CELSR1: variants seen among roughly 807,000 people sequenced by gnomAD.
The protein encoded by CELSR1 is adhesion G protein-coupled receptor C1.
A neutral mutation model predicts 249.1 loss-of-function variants in CELSR1; 110 were observed. The observed-to-expected ratio is 0.44, with a 90% confidence interval of 0.38 to 0.52. The LOEUF is 0.52. Among genes scored for constraint, CELSR1 ranks in the 20% least tolerant of loss-of-function variants. The pLI is 0.00. For synonymous variants in CELSR1, 2,113 were observed against 1,900.0 expected (o/e 1.11, Z -2.92); for missense variants, 4,109 against 4,296.4 (o/e 0.96, Z 1.22).
rs2079667678 is a variant in CELSR1, at chr22:46,436,821, C to A, written c.4407-532G>T. ...GCCTTTGCACCAGCTGCCCCCTATGCCAGAAACAATCTTCCCAGGCTTTGC... is the reference window on the plus strand; with the variant it reads ...GCCTTTGCACCAGCTGCCCCCTATGACAGAAACAATCTTCCCAGGCTTTGC... On this transcript the variant is annotated intron_variant, in intron 3 of 34. Transcript: ENST00000674500. The surrounding 1 kb of genome is among the most constrained non-coding windows in gnomAD (Gnocchi z 5.9). Among the ~76,000 whole-genome samples the A allele has an allele frequency of 6.6e-6, 1 of 152,138 alleles. No individual in the cohort carries two copies. Among genetic ancestry groups the A allele is most frequent in the African/African-American group, 2.4e-5 (1 of 41,414 alleles).
chr22:46,514,804 A>ACAAGT (rs1382825721), intron 1 of CELSR1, among the ~76,000 whole-genome samples: 3 of 152,142 alleles, frequency 2.0e-5, no homozygotes, highest in Admixed American at 6.5e-5. Context: ...GTCAGCAAGC[A>ACAAGT]CAAGTCACTG....
intron 1 of CELSR1, among the ~76,000 whole-genome samples, chr22:46,475,045 A>G (rs1412224078): frequency 6.6e-6 from 1 of 152,058 alleles, no homozygotes; most frequent in Non-Finnish European, 1.5e-5. Context: ...TCAAACACAA[A>G]TGCCATTTTA....
intron 1 of CELSR1, among the ~76,000 whole-genome samples, chr22:46,476,028 T>C (rs1295095040): frequency 6.6e-6 from 1 of 152,162 alleles, no homozygotes; most frequent in African/African-American, 2.4e-5. Flanking sequence ...GCTGAGACGT[T>C]GAGCAAGTGC....
intron 25 of CELSR1, chr22:46,370,297 C>T (rs905079183): frequency 3.2e-5 from 12 of 369,528 alleles, no homozygotes; most frequent in African/African-American, 1.3e-4. Flanking sequence ...CATCCAACCA[C>T]GTGCACATGC....
rs368097852 is a variant in CELSR1, at chr22:46,368,792, G to A, written c.7952+387C>T. 2.0e-4 allele frequency among the ~76,000 whole-genome samples: 30 copies of A among 152,020 alleles called. No homozygotes were observed. The East Asian group carries it at 4.5e-3, about 23-fold the overall frequency. On this transcript the variant is annotated intron_variant, in intron 27 of 34. Transcript: ENST00000674500. ...CTGCACCCTCTGACAGTGGGGTGGG[G>A]GGGTCTCCTCCCCTCCAGTGGCCTC...
intron 1 of CELSR1, among the ~76,000 whole-genome samples, chr22:46,478,133 C>T (rs1048941466): frequency 6.6e-6 from 1 of 152,186 alleles, no homozygotes; most frequent in Non-Finnish European, 1.5e-5. Context: ...ACCAGGAGCC[C>T]GGGAAGCACC....
chr22:46,463,666 G>A (rs1473242603), intron 2 of CELSR1, 41 bp downstream of exon 2: 11 of 1,478,358 alleles, frequency 7.4e-6, no homozygotes, highest in Middle Eastern at 1.8e-4. Context: ...CATGTGACCT[G>A]GGGACATGTA....
chr22:46,362,878 C>A lies in CELSR1; in HGVS notation c.*345G>T, dbSNP rs2078721050. On this transcript the variant is annotated 3_prime_UTR_variant, in exon 35 of 35. Coordinates refer to ENST00000674500, the MANE Select transcript of CELSR1 (RefSeq NM_001378328.1). ...CCGGCGTTCCTGAACTCTGGCCAGC[C>A]TCTGGGCCCAGTCTGGGGTCCCCTC... 7 of 446,668 alleles carry A rather than the reference C, an allele frequency of 1.6e-5. No homozygotes were observed. Among genetic ancestry groups the A allele is most frequent in the Non-Finnish European group, 2.4e-5 (6 of 248,224 alleles). 27.7% of individuals were successfully genotyped at this position (446,668 alleles called of 1,614,324 possible). A position where few individuals can be genotyped will look rare whatever the true frequency, so the allele number is the denominator to read the frequency against.
chr22:46,369,287 T>TCGCCGACTCC, intron 26 of CELSR1, 29 bp from the exon 27 acceptor site: 1 of 51,694 alleles, frequency 1.9e-5, no homozygotes, highest in Non-Finnish European at 3.4e-5. Context: ...GATCAATGTC[T>TCGCCGACTCC]TCTCTCTCGT....
rs1168686910 is a variant in CELSR1 at position 46,488,388 on chromosome 22, C to T, written c.3545-24043G>A. ...TGCTCCTAAGCCCGCAGCTTCCCTG[C>T]TCGCCTACAGCCGGCGAGTGCAGCA... On this transcript the variant is annotated intron_variant, in intron 1 of 34. Coordinates refer to ENST00000674500, the MANE Select transcript of CELSR1 (RefSeq NM_001378328.1). This position sits in a 1 kb window ranked among gnomAD's most constrained non-coding sequence, Gnocchi z 4.7. Among the ~76,000 whole-genome samples, 1 of 152,132 alleles carries T rather than the reference C, an allele frequency of 6.6e-6. No individual in the cohort carries two copies. Among genetic ancestry groups the T allele is most frequent in the Admixed American group, 6.5e-5 (1 of 15,290 alleles).
rs540070474 is a variant in CELSR1 at position 46,381,094 on chromosome 22, G to A, written c.7089-139C>T. On this transcript the variant is annotated intron_variant, in intron 21 of 34. Coordinates refer to ENST00000674500, the MANE Select transcript of CELSR1 (RefSeq NM_001378328.1). The surrounding 1 kb of genome is among the most constrained non-coding windows in gnomAD (Gnocchi z 6.0). ...TCACACTCCGAGAGCTCGGACCCAC[G>A]GACCCCACAGTATCTTCATCCCTAG... 20 of 836,488 alleles carry A rather than the reference G, an allele frequency of 2.4e-5. No individual in the cohort carries two copies. Among genetic ancestry groups the A allele is most frequent in the Middle Eastern group, 3.7e-4 (1 of 2,688 alleles). The allele number at this position is 836,488 out of a possible 1,614,324, so 51.8% of individuals were successfully genotyped here. A position where few individuals can be genotyped will look rare whatever the true frequency, so the allele number is the denominator to read the frequency against.
rs1229683212 is a variant in CELSR1, at chr22:46,422,094, CTT to C, written c.4612-10337_4612-10336del. On this transcript the variant is annotated intron_variant, in intron 5 of 34. Coordinates refer to ENST00000674500, the MANE Select transcript of CELSR1 (RefSeq NM_001378328.1). ...TTACATATTCTGTATATCCAATTAT[CTT>C]TTTGTTTATTTTTTTTGTTTTATTT... 7.9e-5 allele frequency among the ~76,000 whole-genome samples: 11 copies of C among 140,084 alleles called. No individual in the cohort carries two copies. In the East Asian group the frequency reaches 1.7e-3, roughly 22 times the overall value. The allele number at this position is 140,084 out of a possible 152,430, so 91.9% of individuals were successfully genotyped here.
chr22:46,416,655 G>A (rs79255855), intron 5 of CELSR1, among the ~76,000 whole-genome samples: 3,076 of 152,300 alleles, frequency 0.02, 106 homozygotes, highest in African/African-American at 0.069. Flanking sequence ...AACCTACAGT[G>A]CCGCTGAGCA....
Position 46,382,045 on chromosome 22 carries a change from G to A in CELSR1, c.6889C>T (p.Pro2297Ser), listed in dbSNP as rs757224830. ...FFRPPEEKEG[P>S]LLRPAGRRTT... ...CTCCGGCCAGCCGGCCTCAGCAGGG[G>A]GCCTTCTGCAATGTGAGCAGAAGGT... Residue 2297 changes from proline (P) to serine (S), a missense_variant, in exon 21 of 35, where the codon CCC (proline) becomes TCC (serine). Pro to Ser is a moderately conservative substitution (Grantham distance 74). Around this residue, in one of 7 missense-constraint regions of CELSR1, gnomAD observed 1,805 missense variants for 1,831.6 expected, o/e 0.99. Coordinates refer to ENST00000674500, the MANE Select transcript of CELSR1 (RefSeq NM_001378328.1). 1.3e-6 allele frequency: 2 copies of A among 1,535,374 alleles called. No individual in the cohort carries two copies. The highest frequency in any genetic ancestry group is 1.8e-6 in the Non-Finnish European group (2 of 1,139,818).
intron 5 of CELSR1, among the ~76,000 whole-genome samples, chr22:46,424,075 T>A (rs561193448): frequency 3.5e-4 from 51 of 144,806 alleles, no homozygotes; most frequent in Admixed American, 1.0e-3. Flanking sequence ...TAAAAAAAAA[T>A]TTTTTTTTAA....
rs1408291407 is a variant in CELSR1, at chr22:46,385,888, A to G, written c.6739+514T>C. 4.6e-5 allele frequency among the ~76,000 whole-genome samples: 7 copies of G among 151,536 alleles called. No individual in the cohort carries two copies. The East Asian group carries it at 9.7e-4, about 21-fold the overall frequency. On this transcript the variant is annotated intron_variant, in intron 19 of 34. Coordinates refer to ENST00000674500, the MANE Select transcript of CELSR1 (RefSeq NM_001378328.1). ...GAGACGGGGTTTCACCATGTTAGCC[A>G]GGATGGTCTTGATCTCCTGACCCTG...
chr22:46,519,310 C>A (rs568843873), intron 1 of CELSR1, among the ~76,000 whole-genome samples: 1 of 152,312 alleles, frequency 6.6e-6, no homozygotes, highest in African/African-American at 2.4e-5. Context: ...TCCGTAGAAA[C>A]AAACAAGGAC....
Position 46,434,219 on chromosome 22 carries a change from G to A in CELSR1, c.4523-738C>T, listed in dbSNP as rs1049090940. On this transcript the variant is annotated intron_variant, in intron 4 of 34. Transcript: ENST00000674500. The surrounding 1 kb of genome is among the most constrained non-coding windows in gnomAD (Gnocchi z 4.9). ...CGTCCCATCGTGAGGTCGCGGACGCGTCTCTTGTGCATCTCTGCTTTGGGG... is the reference window on the plus strand; with the variant it reads ...CGTCCCATCGTGAGGTCGCGGACGCATCTCTTGTGCATCTCTGCTTTGGGG... Among the ~76,000 whole-genome samples, 3 of 152,200 alleles carry A rather than the reference G, an allele frequency of 2.0e-5. No individual in the cohort carries two copies. The highest frequency in any genetic ancestry group is 4.4e-5 in the Non-Finnish European group (3 of 68,038).
In CELSR1 at chr22:46,398,883, G is replaced by C. The variant is rs1297656950; in HGVS notation, c.5413-246C>G. Reference sequence around the variant, plus strand: ...TGCCCCAGCCTAGCTGAGGCGGCCAGTGGGGTCAACGTGGGCAACTGTCCC... The same window carrying C: ...TGCCCCAGCCTAGCTGAGGCGGCCACTGGGGTCAACGTGGGCAACTGTCCC... On this transcript the variant is annotated intron_variant, in intron 10 of 34. Transcript: ENST00000674500. This position sits in a 1 kb window ranked among gnomAD's most constrained non-coding sequence, Gnocchi z 7.2. Among the ~76,000 whole-genome samples, 1 of 152,246 alleles carries C rather than the reference G, an allele frequency of 6.6e-6. No homozygotes were observed. The highest frequency in any genetic ancestry group is 1.5e-5 in the Non-Finnish European group (1 of 68,042).
Sources: allele counts gnomAD v4.1 joint callset (sites outside exome capture counted in the v4.1 genomes callset), GRCh38; gene constraint gnomAD v4.1.1; regional missense constraint gnomAD v4.1.1; non-coding constraint Gnocchi (gnomAD v3.1); transcripts MANE v1.5; gene names NCBI Gene and HGNC (gene_info 2026-07-23, HGNC 2026-07-21).